GPC6: variants seen among roughly 807,000 people sequenced by gnomAD.
GPC6 encodes glypican-6.
A neutral mutation model predicts 55.2 loss-of-function variants in GPC6; 14 were observed. The ratio of observed to expected loss-of-function variants is 0.25; its 90% CI spans 0.17 to 0.40. The LOEUF (loss-of-function observed/expected upper bound fraction) is 0.40, where lower values mean the gene tolerates loss of function less well. Among genes scored for constraint, GPC6 ranks in the 10% least tolerant of loss-of-function variants. GPC6 has a pLI of 1.00. For missense variants in GPC6, 641 were observed against 708.5 expected, an observed-to-expected ratio of 0.90 and a Z score of 1.08; for synonymous variants, 278 against 259.6, an observed-to-expected ratio of 1.07 and a Z score of -0.68.
At chr13:93,509,322 T>C (rs2813597) in intron 1 of GPC6, among the ~76,000 whole-genome samples, 16,280 of 152,232 alleles carry the variant, frequency 0.11, 1,331 homozygotes, top group East Asian at 0.48. Flanking sequence ...AGTATAAATA[T>C]CAAATGAATG....
intron 4 of GPC6, among the ~76,000 whole-genome samples, chr13:94,177,881 A>G (rs1050118791): frequency 2.6e-5 from 4 of 152,148 alleles, no homozygotes; most frequent in Admixed American, 2.0e-4. Flanking sequence ...CTCTGAATAC[A>G]TATTTGTCCT....
At chr13:93,602,887 A>C (rs1450611420) in intron 2 of GPC6, among the ~76,000 whole-genome samples, 1 of 152,218 alleles carries the variant, frequency 6.6e-6, no homozygotes, top group Non-Finnish European at 1.5e-5. Context: ...TTAGAAATAT[A>C]CCTAACACCA....
At chr13:94,254,827 T>G (rs1891457934) in intron 4 of GPC6, among the ~76,000 whole-genome samples, 1 of 152,126 alleles carries the variant, frequency 6.6e-6, no homozygotes, top group African/African-American at 2.4e-5. Flanking sequence ...TCATCAGTGA[T>G]TTTCAGAGTA....
At position 94,067,640 on chromosome 13, in the gene GPC6, T is replaced by C. The variant is rs11841113; in HGVS notation, c.877+39746T>C. Among the ~76,000 whole-genome samples, 1,477 of 149,720 alleles carry C rather than the reference T, an allele frequency of 9.9e-3. 29 individuals carry two copies. The highest frequency in any genetic ancestry group is 0.091 in the South Asian group (432 of 4,752). On this transcript the variant is annotated intron_variant, in intron 4 of 8. Transcript: ENST00000377047. ...ATAGATAGACAGACAGACAGACAGATAGACAGGAAAGAGGGAGAAAAGAGA... is the reference window on the plus strand; with the variant it reads ...ATAGATAGACAGACAGACAGACAGACAGACAGGAAAGAGGGAGAAAAGAGA...
chr13:93,564,337 T>C (rs186002046), intron 2 of GPC6, among the ~76,000 whole-genome samples: 6 of 152,248 alleles, frequency 3.9e-5, no homozygotes, highest in East Asian at 3.9e-4. Flanking sequence ...GAAGGAGTCA[T>C]ATATATAGGT....
rs1315072327 is a variant in GPC6, at chr13:94,031,052, TTGTGCGTGTGCA to T, written c.877+3170_877+3181del. ...TGCATGCGTGTGTGCGTTTGTGCGTTTGTGCGTGTGCATGTGCGTGTGCGTGTGCGTGTGTGT... is the reference window on the plus strand; with the variant it reads ...TGCATGCGTGTGTGCGTTTGTGCGTTTGTGCGTGTGCGTGTGCGTGTGTGT... On this transcript the variant is annotated intron_variant, in intron 4 of 8. Coordinates refer to ENST00000377047, the MANE Select transcript of GPC6 (RefSeq NM_005708.5). 9.7e-4 allele frequency among the ~76,000 whole-genome samples: 145 copies of T among 149,942 alleles called. 1 individual carries two copies. Among genetic ancestry groups the T allele is most frequent in the African/African-American group, 3.4e-3 (137 of 40,614 alleles).
chr13:93,231,373 A>ATACG (rs1876026630), intron 1 of GPC6, among the ~76,000 whole-genome samples: 1 of 17,354 alleles, frequency 5.8e-5, no homozygotes, highest in Non-Finnish European at 9.9e-5. Context: ...ATATATATAT[A>ATACG]TATATACATA....
chr13:94,323,116 C>T (rs1876925599), intron 6 of GPC6, among the ~76,000 whole-genome samples: 1 of 152,156 alleles, frequency 6.6e-6, no homozygotes, highest in Non-Finnish European at 1.5e-5. Context: ...TCCACACAGT[C>T]TAGGGATGTG....
At chr13:93,371,078 G>A (rs1874622860) in intron 1 of GPC6, among the ~76,000 whole-genome samples, 1 of 152,106 alleles carries the variant, frequency 6.6e-6, no homozygotes, top group South Asian at 2.1e-4. Flanking sequence ...ACAGCTATGT[G>A]GATGGTTGTG....
intron 2 of GPC6, among the ~76,000 whole-genome samples, chr13:93,701,792 C>T (rs540111541): frequency 9.9e-5 from 15 of 152,118 alleles, no homozygotes; most frequent in East Asian, 1.9e-4. Context: ...CAAGAAGAAA[C>T]GCCTCATCCT....
chr13:94,162,018 G>A (rs1175604329), intron 4 of GPC6, among the ~76,000 whole-genome samples: 1 of 152,096 alleles, frequency 6.6e-6, no homozygotes, highest in African/African-American at 2.4e-5. Context: ...GACGGTATGG[G>A]AGAAACCACC....
rs199965646 is a variant in GPC6, at chr13:93,586,210, C to CT, written c.319+40790dup. Among the ~76,000 whole-genome samples the CT allele has an allele frequency of 3.6e-3, 545 of 152,192 alleles. 6 individuals carry two copies. The highest frequency in any genetic ancestry group is 0.013 in the African/African-American group (523 of 41,544). Reference sequence around the variant, plus strand: ...TCCCACTTATAAGAGAGAAGAAACACTATTTGGTTTACTGTCCCTGTGTTA... The same window carrying CT: ...TCCCACTTATAAGAGAGAAGAAACACTTATTTGGTTTACTGTCCCTGTGTTA... On this transcript the variant is annotated intron_variant, in intron 2 of 8. Transcript: ENST00000377047.
chr13:94,027,273 G>C (rs1002008947), intron 3 of GPC6, among the ~76,000 whole-genome samples: 2 of 152,278 alleles, frequency 1.3e-5, no homozygotes, highest in Middle Eastern at 3.4e-3. Context: ...GGATCTTAGA[G>C]ATCTCAGACA....
Position 93,929,351 on chromosome 13 carries a change from C to T in GPC6, c.712-98378C>T, listed in dbSNP as rs147429362. On this transcript the variant is annotated intron_variant, in intron 3 of 8. Transcript: ENST00000377047. ...TACATTTTATGCCAAAAATATACAG[C>T]TTAGCTATTCTTTTTGTTGTTGTTG... Among the ~76,000 whole-genome samples the T allele has an allele frequency of 1.5e-3, 226 of 152,250 alleles. 1 individual carries two copies. The highest frequency in any genetic ancestry group is 5.0e-3 in the African/African-American group (209 of 41,554).
intron 1 of GPC6, among the ~76,000 whole-genome samples, chr13:93,344,269 A>G (rs1225826792): frequency 6.6e-6 from 1 of 152,180 alleles, no homozygotes; most frequent in Non-Finnish European, 1.5e-5. Flanking sequence ...AAAGAGGGAC[A>G]TTTCCTGCAA....
chr13:93,827,630 A>T (rs1024263436), intron 2 of GPC6, among the ~76,000 whole-genome samples: 1 of 152,350 alleles, frequency 6.6e-6, no homozygotes, highest in African/African-American at 2.4e-5. Context: ...CTTGACTTTG[A>T]GGATCAGTGA....
rs189893629 is a variant in GPC6 at position 93,826,082 on chromosome 13, A to T, written c.320-4072A>T. Among the ~76,000 whole-genome samples, 5 of 151,090 alleles carry T rather than the reference A, an allele frequency of 3.3e-5. No homozygotes were observed. The East Asian group carries it at 9.8e-4, about 30-fold the overall frequency. On this transcript the variant is annotated intron_variant, in intron 2 of 8. Coordinates refer to ENST00000377047, the MANE Select transcript of GPC6 (RefSeq NM_005708.5). ...ACCAGTTTGTCCAGGCTGGTCTCGA[A>T]CTCCTGACCTCAGGTGATCTGCCCA...
At chr13:93,796,407 T>C (rs925621838) in intron 2 of GPC6, among the ~76,000 whole-genome samples, 5 of 152,226 alleles carry the variant, frequency 3.3e-5, no homozygotes, top group African/African-American at 4.8e-5. Flanking sequence ...ATTATGTGTA[T>C]GATATTCCTT....
At chr13:93,999,960 C>A (rs1163466494) in intron 3 of GPC6, among the ~76,000 whole-genome samples, 12 of 152,276 alleles carry the variant, frequency 7.9e-5, no homozygotes, top group Admixed American at 6.5e-4. Flanking sequence ...CCTCATTTGG[C>A]AATTTGTCCC....
Sources: gnomAD v4.1 joint callset for allele counts (sites outside exome capture counted in the v4.1 genomes callset) on GRCh38, gnomAD v4.1.1 for gene constraint, MANE v1.5 for transcripts, NCBI Gene and HGNC (gene_info 2026-07-23, HGNC 2026-07-21) for gene names.